The following NRG3 variants were observed in gnomAD, a reference collection of about 807,000 sequenced individuals.
NRG3 encodes neuregulin 3.
A neutral mutation model predicts 66.9 loss-of-function variants in NRG3; 31 were observed. The observed-to-expected ratio is 0.46, with a 90% CI of 0.35 to 0.63. NRG3 has a LOEUF of 0.63. Ranked by LOEUF, NRG3 falls within the 20% of genes least tolerant of loss-of-function variation. The pLI is 0.00. For synonymous variants in NRG3, 393 were observed against 359.4 expected (o/e 1.09, Z -1.06); for missense variants, 910 against 878.9 (o/e 1.04, Z -0.45).
chr10:82,146,585 A>T lies in NRG3; in HGVS notation c.824-212154A>T, dbSNP rs144376641. Among the ~76,000 whole-genome samples, 184 of 152,210 alleles carry T rather than the reference A, an allele frequency of 1.2e-3. 1 individual carries two copies. Among genetic ancestry groups the T allele is most frequent in the Non-Finnish European group, 2.0e-3 (139 of 68,020 alleles). On this transcript the variant is annotated intron_variant, in intron 1 of 8. Coordinates refer to ENST00000372141, the MANE Select transcript of NRG3 (RefSeq NM_001010848.4). ...CATATTACTTCCCCCAACAGCGTGCACCCTGATGTGGAGAGATGCAGAGTG... is the reference window on the plus strand; with the variant it reads ...CATATTACTTCCCCCAACAGCGTGCTCCCTGATGTGGAGAGATGCAGAGTG...
intron 3 of NRG3, among the ~76,000 whole-genome samples, chr10:82,741,594 C>A (rs1248246834): frequency 6.6e-6 from 1 of 152,064 alleles, no homozygotes; most frequent in Non-Finnish European, 1.5e-5. Flanking sequence ...TTTATTAAAC[C>A]CTCACAATCA....
At chr10:82,387,852 C>T (rs2086108539) in intron 2 of NRG3, among the ~76,000 whole-genome samples, 1 of 152,168 alleles carries the variant, frequency 6.6e-6, no homozygotes, top group African/African-American at 2.4e-5. Flanking sequence ...GAGGAATGCT[C>T]TGTTTGCTTT....
At chr10:82,870,507 C>G (rs1399310418) in intron 4 of NRG3, among the ~76,000 whole-genome samples, 1 of 152,060 alleles carries the variant, frequency 6.6e-6, no homozygotes, top group African/African-American at 2.4e-5. Context: ...TAGAAACTGC[C>G]GAACTGAATT....
intron 3 of NRG3, among the ~76,000 whole-genome samples, chr10:82,738,855 C>T (rs1281523048): frequency 6.6e-6 from 1 of 152,166 alleles, no homozygotes; most frequent in African/African-American, 2.4e-5. Flanking sequence ...GGCCTGGCTT[C>T]CGGATTCCAC....
intron 1 of NRG3, among the ~76,000 whole-genome samples, chr10:82,145,058 C>T (rs1364062914): frequency 6.6e-6 from 1 of 152,168 alleles, no homozygotes; most frequent in African/African-American, 2.4e-5. Context: ...ACATGTATCT[C>T]TTTAAAGGGG....
intron 1 of NRG3, among the ~76,000 whole-genome samples, chr10:82,144,256 G>A (rs2070066884): frequency 6.6e-6 from 1 of 152,114 alleles, no homozygotes; most frequent in African/African-American, 2.4e-5. Context: ...TGTGAAACAA[G>A]CATTCATCTG....
At position 82,693,907 on chromosome 10, in the gene NRG3, G is replaced by T. The variant is rs192952159; in HGVS notation, c.954-44670G>T. On this transcript the variant is annotated intron_variant, in intron 2 of 8. Transcript: ENST00000372141. ...AGACCCGAGTGGGTTGCCACTGGTGGTTGGCATGGCCAGCTTTTTATTCTC... is the reference window on the plus strand; with the variant it reads ...AGACCCGAGTGGGTTGCCACTGGTGTTTGGCATGGCCAGCTTTTTATTCTC... Among the ~76,000 whole-genome samples, 269 of 152,338 alleles carry T rather than the reference G, an allele frequency of 1.8e-3. 1 individual carries two copies. Among genetic ancestry groups the T allele is most frequent in the African/African-American group, 6.2e-3 (257 of 41,586 alleles).
At chr10:82,482,928 A>G (rs1203075190) in intron 2 of NRG3, among the ~76,000 whole-genome samples, 4 of 152,140 alleles carry the variant, frequency 2.6e-5, no homozygotes, top group Non-Finnish European at 1.5e-5. Flanking sequence ...TGAGCCTTGG[A>G]GGGAGTAAAT....
At chr10:82,779,573 A>G (rs948849315) in intron 3 of NRG3, among the ~76,000 whole-genome samples, 2 of 151,904 alleles carry the variant, frequency 1.3e-5, no homozygotes, top group African/African-American at 4.8e-5. Context: ...CTATCTTCCT[A>G]TTGTTCTATT....
chr10:82,383,244 G>T (rs1353508162), intron 2 of NRG3, among the ~76,000 whole-genome samples: 2 of 151,642 alleles, frequency 1.3e-5, no homozygotes, highest in East Asian at 3.9e-4. Context: ...GGACTGCATT[G>T]TACATTTATG....
intron 1 of NRG3, among the ~76,000 whole-genome samples, chr10:82,337,580 G>C (rs1169435318): frequency 6.6e-6 from 1 of 152,194 alleles, no homozygotes; most frequent in Non-Finnish European, 1.5e-5. Flanking sequence ...TGCAGAAGCT[G>C]CACCATTTTA....
intron 4 of NRG3, among the ~76,000 whole-genome samples, chr10:82,948,927 A>G (rs1244315946): frequency 6.6e-6 from 1 of 152,186 alleles, no homozygotes; most frequent in Non-Finnish European, 1.5e-5. Context: ...TACATTAACT[A>G]AACCTCTGGT....
rs77738499 is a variant in NRG3, at chr10:82,701,323, A to G, written c.954-37254A>G. ...CTAGTGAGGTTAATGACTATAAAAT[A>G]ACATTTTATTTTCCCTTTACTTTAA... is the stretch of plus-strand genomic sequence containing the variant. On this transcript the variant is annotated intron_variant, in intron 2 of 8. Transcript: ENST00000372141. 2.6e-4 allele frequency among the ~76,000 whole-genome samples: 39 copies of G among 152,254 alleles called. No individual in the cohort carries two copies. The East Asian group carries it at 6.2e-3, about 24-fold the overall frequency.
At chr10:82,619,780 GGATCGTGT>G (rs2048916596) in intron 2 of NRG3, among the ~76,000 whole-genome samples, 1 of 152,102 alleles carries the variant, frequency 6.6e-6, no homozygotes, top group South Asian at 2.1e-4. Context: ...CATAGAGGAA[GGATCGTGT>G]GAAGACACAG....
At chr10:82,922,890 A>G (rs1846588378) in intron 4 of NRG3, among the ~76,000 whole-genome samples, 1 of 152,116 alleles carries the variant, frequency 6.6e-6, no homozygotes, top group Non-Finnish European at 1.5e-5. Context: ...ACCAAATTGC[A>G]ATCGTATGAG....
intron 1 of NRG3, among the ~76,000 whole-genome samples, chr10:81,963,948 G>C (rs938396822): frequency 6.6e-6 from 1 of 152,116 alleles, no homozygotes; most frequent in Admixed American, 6.5e-5. Context: ...CGTAGCATTT[G>C]GGTTATTATA....
At chr10:82,619,589 G>A (rs1224285016) in intron 2 of NRG3, among the ~76,000 whole-genome samples, 3 of 152,134 alleles carry the variant, frequency 2.0e-5, no homozygotes, top group African/African-American at 7.2e-5. Context: ...AATATTACAG[G>A]ATAAATTGTG....
chr10:82,351,803 C>G (rs2083452670), intron 1 of NRG3, among the ~76,000 whole-genome samples: 1 of 152,218 alleles, frequency 6.6e-6, no homozygotes, highest in African/African-American at 2.4e-5. Flanking sequence ...GACAAGGCCA[C>G]TCTGCACCCA....
chr10:82,003,572 A>G (rs1564728901), intron 1 of NRG3, among the ~76,000 whole-genome samples: 1 of 152,304 alleles, frequency 6.6e-6, no homozygotes, highest in South Asian at 2.1e-4. Context: ...AGATTCATGC[A>G]TTTTAAGAAT....
Sources: allele counts gnomAD v4.1 joint callset (sites outside exome capture counted in the v4.1 genomes callset), GRCh38; gene constraint gnomAD v4.1.1; transcripts MANE v1.5; gene names NCBI Gene and HGNC (gene_info 2026-07-23, HGNC 2026-07-21).